The following PHGR1 variants were observed in gnomAD, a reference collection of about 807,000 sequenced individuals.
PHGR1 encodes proline, histidine and glycine rich 1.
PHGR1 carries 3 observed loss-of-function variants against 4.9 expected under a neutral mutation model. The ratio of observed to expected loss-of-function variants is 0.61; its 90% CI spans 0.28 to 1.58. The LOEUF (loss-of-function observed/expected upper bound fraction) is 1.58. Among genes scored for constraint, PHGR1 ranks in the 40% most tolerant of loss-of-function variants. The pLI is 0.11. For missense variants in PHGR1, 81 were observed against 118.7 expected (o/e 0.68, Z 1.48); for synonymous variants, 32 against 46.1 (o/e 0.69, Z 1.24).
chr15:40,352,575 C>A (rs11070266), intron 1 of PHGR1, among the ~76,000 whole-genome samples: 31,027 of 152,072 alleles, frequency 0.2, 3,658 homozygotes, highest in Non-Finnish European at 0.27. Flanking sequence ...GCTCCCACCC[C>A]CTTCCAATCC....
chr15:40,351,157 T>C (rs1382549007), intron 1 of PHGR1, 95 bp downstream of exon 1: 1 of 152,566 alleles, frequency 6.6e-6, no homozygotes, highest in African/African-American at 2.4e-5. Context: ...TCTGGGTGTG[T>C]ATATGCATTG....
At chr15:40,353,031 C>T (rs1486169267) in intron 1 of PHGR1, among the ~76,000 whole-genome samples, 3 of 152,068 alleles carry the variant, frequency 2.0e-5, no homozygotes, top group East Asian at 1.9e-4. Flanking sequence ...ACCCCCATGC[C>T]TGGCACCTAC....
intron 1 of PHGR1, 122 bp from the exon 2 acceptor site, chr15:40,353,110 G>GGGGTGTGTGT (rs1889230733): frequency 3.7e-6 from 2 of 536,766 alleles, no homozygotes; most frequent in African/African-American, 4.2e-5. Flanking sequence ...TCCTTTGAAG[G>GGGGTGTGTGT]GTGTGTGTGT....
chr15:40,356,051 T>C, intron 3 of PHGR1, 22 bp from the exon 4 acceptor site: 1 of 1,546,576 alleles, frequency 6.5e-7, no homozygotes, highest in Middle Eastern at 1.7e-4. Flanking sequence ...GACTCTGACA[T>C]TGTTCATTTG....
chr15:40,356,104 C>T lies in PHGR1; in HGVS notation c.50C>T (p.Pro17Leu). The part of the protein sequence containing the change: ...GHCHCGGHGH[P>L]PGHCGPPPGH... ...TGCCACTGTGGGGGGCATGGCCATC[C>T]TCCAGGTCACTGCGGGCCACCCCCT... is the stretch of plus-strand genomic sequence containing the variant. Residue 17 changes from proline to leucine, a missense_variant, in exon 4 of 4, where the codon CCT becomes CTT. Physicochemically the swap from Pro to Leu is moderately conservative, Grantham distance 98. Coordinates refer to ENST00000448599, the MANE Select transcript of PHGR1 (RefSeq NM_001145643.2). The T allele has an allele frequency of 2.6e-6, 4 of 1,547,238 alleles. No individual in the cohort carries two copies. The African/African-American group carries it at 4.2e-5, about 16-fold the overall frequency.
In PHGR1 at chr15:40,355,966, G is replaced by A; in HGVS notation, c.19-107G>A. On this transcript the variant is annotated intron_variant, in intron 3 of 3. Coordinates refer to ENST00000448599, the MANE Select transcript of PHGR1 (RefSeq NM_001145643.2). Reference sequence around the variant, plus strand: ...AGCCCTCCACCGCAACTCCTTACTTGCCTAGAAATCCTGAGTCCCCCAGGG... The same window carrying A: ...AGCCCTCCACCGCAACTCCTTACTTACCTAGAAATCCTGAGTCCCCCAGGG... 5 of 1,221,050 alleles carry A rather than the reference G, an allele frequency of 4.1e-6. No homozygotes were observed. The Middle Eastern group carries it at 7.6e-4, about 184-fold the overall frequency. 75.6% of individuals were successfully genotyped at this position (1,221,050 alleles called of 1,614,324 possible).
chr15:40,353,115 GTGTGT>G (rs1444354137), intron 1 of PHGR1, 112 bp from the exon 2 acceptor site: 2 of 353,232 alleles, frequency 5.7e-6, no homozygotes, highest in Admixed American at 8.0e-5. Context: ...TGAAGGGTGT[GTGTGT>G]GTGTGTGTGT....
intron 3 of PHGR1, among the ~76,000 whole-genome samples, chr15:40,355,023 G>C (rs1212584670): frequency 6.6e-6 from 1 of 152,298 alleles, no homozygotes; most frequent in East Asian, 1.9e-4. Flanking sequence ...GCCCTAGGAG[G>C]CAGAAGGAGA....
At chr15:40,352,177 T>C (rs1040439266) in intron 1 of PHGR1, among the ~76,000 whole-genome samples, 11 of 152,120 alleles carry the variant, frequency 7.2e-5, no homozygotes, top group Admixed American at 4.6e-4. Flanking sequence ...CACTCCAGCC[T>C]GTATGACAAA....
intron 2 of PHGR1, 63 bp downstream of exon 2, chr15:40,353,330 G>T (rs1422740970): frequency 2.5e-5 from 38 of 1,548,188 alleles, no homozygotes; most frequent in Non-Finnish European, 2.7e-5. Context: ...AGCGGTAAAG[G>T]CAGGGACTAT....
At chr15:40,351,307 G>C (rs1889204280) in intron 1 of PHGR1, among the ~76,000 whole-genome samples, 1 of 152,208 alleles carries the variant, frequency 6.6e-6, no homozygotes, top group African/African-American at 2.4e-5. Context: ...CCAGGCAGCA[G>C]GGCTTAGCTG....
chr15:40,354,501 T>G (rs2141255173), intron 3 of PHGR1, 149 bp downstream of exon 3: 2 of 996,430 alleles, frequency 2.0e-6, no homozygotes, highest in Non-Finnish European at 1.4e-6. Context: ...CCCCGTGGAG[T>G]GGGGGTGGGG....
chr15:40,353,975 G>A (rs988392091), intron 2 of PHGR1, among the ~76,000 whole-genome samples: 1 of 152,222 alleles, frequency 6.6e-6, no homozygotes, highest in Non-Finnish European at 1.5e-5. Flanking sequence ...GGTTGGCAGG[G>A]CTGCTGGCCT....
intron 3 of PHGR1, 49 bp from the exon 4 acceptor site, chr15:40,356,024 G>T (rs1250026290): frequency 6.5e-7 from 1 of 1,529,574 alleles, no homozygotes. Flanking sequence ...TCTCAGGTAA[G>T]CTTAGCCCTG....
chr15:40,353,114 T>TGTGTGTGTGG, intron 1 of PHGR1, 118 bp from the exon 2 acceptor site: 1 of 194,592 alleles, frequency 5.1e-6, no homozygotes, highest in Non-Finnish European at 7.2e-6. Flanking sequence ...TTGAAGGGTG[T>TGTGTGTGTGG]GTGTGTGTGT....
rs768258411 is a variant in PHGR1 at position 40,356,129 on chromosome 15, T to G, written c.75T>G (p.Pro25=). 6.6e-7 allele frequency: 1 copy of G among 1,512,708 alleles called. No homozygotes were observed. The highest frequency in any genetic ancestry group is 1.6e-5 in the African/African-American group (1 of 62,464). The allele number at this position is 1,512,708 out of a possible 1,614,324, so 93.7% of individuals were successfully genotyped here. A position where few individuals can be genotyped will look rare whatever the true frequency, so the allele number is the denominator to read the frequency against. The change falls in exon 4 of 4, where the codon CCT becomes CCG. Residue 25 remains proline, a synonymous_variant. Transcript: ENST00000448599. ...CTCCAGGTCACTGCGGGCCACCCCC[T>G]GGCCATGGCCCAGGGCCCTGCGGGC... ...GHPPGHCGPP[P]GHGPGPCGPP... is the part of the protein sequence containing the mutation.
chr15:40,354,502 G>C, intron 3 of PHGR1, 150 bp downstream of exon 3: 1 of 1,004,610 alleles, frequency 1.0e-6, no homozygotes, highest in Non-Finnish European at 1.4e-6. Flanking sequence ...CCCGTGGAGT[G>C]GGGGTGGGGT....
At chr15:40,355,109 T>C (rs750492077) in intron 3 of PHGR1, among the ~76,000 whole-genome samples, 21 of 151,554 alleles carry the variant, frequency 1.4e-4, no homozygotes, top group Non-Finnish European at 2.6e-4. Context: ...CCGAGTCCCC[T>C]ACCACAGAAG....
chr15:40,352,592 G>A (rs1276111822), intron 1 of PHGR1, among the ~76,000 whole-genome samples: 1 of 152,170 alleles, frequency 6.6e-6, no homozygotes, highest in East Asian at 1.9e-4. Flanking sequence ...ATCCTGGTGG[G>A]AGGAGACAGG....
Sources: gnomAD v4.1 joint callset for allele counts (sites outside exome capture counted in the v4.1 genomes callset) on GRCh38, gnomAD v4.1.1 for gene constraint, MANE v1.5 for transcripts, NCBI Gene and HGNC (gene_info 2026-07-23, HGNC 2026-07-21) for gene names.